Variants in CACNA2D2 observed in about 807,000 individuals in gnomAD.
CACNA2D2 encodes the protein calcium voltage-gated channel auxiliary subunit alpha2delta 2.
Under a neutral mutation model 166.4 loss-of-function variants are expected in CACNA2D2, and 48 were observed. The ratio of observed to expected loss-of-function variants is 0.29; its 90% CI spans 0.23 to 0.37. The LOEUF (loss-of-function observed/expected upper bound fraction) is 0.37. Ranked by LOEUF, CACNA2D2 falls within the 10% of genes least tolerant of loss-of-function variation. CACNA2D2 has a pLI of 1.00. For synonymous variants in CACNA2D2, 561 were observed against 573.7 expected (o/e 0.98, Z 0.32); for missense variants, 1,122 against 1,433.0 (o/e 0.78, Z 3.50).
At chr3:50,426,386 C>T (rs1179611385) in intron 3 of CACNA2D2, among the ~76,000 whole-genome samples, 2 of 152,152 alleles carry the variant, frequency 1.3e-5, no homozygotes, top group African/African-American at 2.4e-5. Flanking sequence ...AAAGCAAGGC[C>T]GTAGGGTGGG....
At chr3:50,494,648 G>A (rs1027978571) in intron 1 of CACNA2D2, among the ~76,000 whole-genome samples, 24 of 151,976 alleles carry the variant, frequency 1.6e-4, no homozygotes, top group East Asian at 3.9e-4. Context: ...CTTGCCCCCC[G>A]ACCCATGCCA....
intron 3 of CACNA2D2, among the ~76,000 whole-genome samples, chr3:50,428,544 A>G (rs2236968): frequency 0.13 from 20,434 of 152,180 alleles, 2,277 homozygotes; most frequent in East Asian, 0.42. Context: ...GGCTGTGTGC[A>G]GAAGGGTTTT....
intron 2 of CACNA2D2, among the ~76,000 whole-genome samples, chr3:50,455,584 C>CG (rs927510414): frequency 6.6e-6 from 1 of 152,156 alleles, no homozygotes; most frequent in African/African-American, 2.4e-5. Context: ...TTACAAACAT[C>CG]GGGTGCATCA....
chr3:50,372,545 C>G (rs989361720), intron 22 of CACNA2D2, among the ~76,000 whole-genome samples: 1 of 152,172 alleles, frequency 6.6e-6, no homozygotes, highest in Non-Finnish European at 1.5e-5. Flanking sequence ...CTTCTGCCTC[C>G]CTTCTTGGAG....
At chr3:50,452,525 C>A (rs777428615) in intron 2 of CACNA2D2, among the ~76,000 whole-genome samples, 4 of 152,170 alleles carry the variant, frequency 2.6e-5, no homozygotes. Flanking sequence ...GCTTGGGATA[C>A]CTGTGAATGG....
intron 1 of CACNA2D2, among the ~76,000 whole-genome samples, chr3:50,489,642 T>TGGGGCG (rs1698439709): frequency 6.8e-6 from 1 of 147,774 alleles, no homozygotes. Context: ...GGGCTGGGGC[T>TGGGGCG]GGGGCTGGGG....
intron 2 of CACNA2D2, among the ~76,000 whole-genome samples, chr3:50,458,820 G>A (rs1388133019): frequency 6.6e-6 from 1 of 152,248 alleles, no homozygotes; most frequent in African/African-American, 2.4e-5. Context: ...TAATGCTGGG[G>A]AACCCCAAAG....
chr3:50,422,872 G>A (rs1395599862), intron 3 of CACNA2D2, among the ~76,000 whole-genome samples: 2 of 152,240 alleles, frequency 1.3e-5, no homozygotes, highest in Non-Finnish European at 2.9e-5. Flanking sequence ...AAGTGGGTGG[G>A]GGGTCTTATT....
At chr3:50,398,888 G>C (rs1706294609) in intron 3 of CACNA2D2, among the ~76,000 whole-genome samples, 1 of 152,204 alleles carries the variant, frequency 6.6e-6, no homozygotes, top group Non-Finnish European at 1.5e-5. Flanking sequence ...GAAAGAGGAG[G>C]ACTCGTCGTG....
In CACNA2D2 at chr3:50,366,958, C is replaced by T. The variant is rs371826030; in HGVS notation, c.2501-39G>A. 1 of 1,613,052 alleles carries T rather than the reference C, an allele frequency of 6.2e-7. No individual in the cohort carries two copies. Among genetic ancestry groups the T allele is most frequent in the Admixed American group, 1.7e-5 (1 of 60,012 alleles). On this transcript the variant is annotated intron_variant, in intron 28 of 37. Coordinates refer to ENST00000424201, the MANE Select transcript of CACNA2D2 (RefSeq NM_006030.4). The surrounding 1 kb of genome is among the most constrained non-coding windows in gnomAD (Gnocchi z 5.9). The stretch of plus-strand genomic sequence containing the variant: ...CAAGGGACCATCAGTGCTACCTGCC[C>T]AGGCAGTACCCTGTCCATTGCCTGT...
intron 22 of CACNA2D2, among the ~76,000 whole-genome samples, chr3:50,371,339 A>G (rs1704645560): frequency 6.7e-6 from 1 of 149,722 alleles, no homozygotes; most frequent in Non-Finnish European, 1.5e-5. Context: ...TGGGTGAGTG[A>G]GCATGCATGT....
intron 3 of CACNA2D2, among the ~76,000 whole-genome samples, chr3:50,413,527 T>C (rs980694713): frequency 6.6e-6 from 1 of 151,912 alleles, no homozygotes; most frequent in African/African-American, 2.4e-5. Context: ...TGCTTCCCCG[T>C]TGTAAGTTGC....
At chr3:50,394,820 G>C (rs540970489) in intron 3 of CACNA2D2, among the ~76,000 whole-genome samples, 5 of 152,384 alleles carry the variant, frequency 3.3e-5, no homozygotes, top group South Asian at 2.1e-4. Context: ...CTGGGTGCCA[G>C]ACTGTGCTGA....
rs749896750 is a variant in CACNA2D2 at position 50,380,049 on chromosome 3, G to C, written c.843-31C>G. On this transcript the variant is annotated intron_variant, in intron 8 of 37. Coordinates refer to ENST00000424201, the MANE Select transcript of CACNA2D2 (RefSeq NM_006030.4). The surrounding 1 kb of genome is among the most constrained non-coding windows in gnomAD (Gnocchi z 4.9). ...CAGGAGATGCCTCTGTTAGGGTAAG[G>C]CCCACTGGGACCTTGTGGGTCCTTC... 7.4e-6 allele frequency: 12 copies of C among 1,612,438 alleles called. No homozygotes were observed. Among genetic ancestry groups the C allele is most frequent in the Non-Finnish European group, 1.0e-5 (12 of 1,178,630 alleles).
intron 2 of CACNA2D2, among the ~76,000 whole-genome samples, chr3:50,437,414 G>A (rs1038739483): frequency 1.3e-5 from 2 of 152,220 alleles, no homozygotes; most frequent in African/African-American, 4.8e-5. Flanking sequence ...CTGCTGAGAG[G>A]AGAGCAGAAT....
intron 6 of CACNA2D2, among the ~76,000 whole-genome samples, chr3:50,383,478 T>C (rs587627238): frequency 2.6e-5 from 4 of 152,296 alleles, no homozygotes. Flanking sequence ...CCCCATCCAG[T>C]GTTTGACTCT....
intron 3 of CACNA2D2, among the ~76,000 whole-genome samples, chr3:50,418,652 T>C (rs1336153758): frequency 6.6e-6 from 1 of 152,152 alleles, no homozygotes. Flanking sequence ...TTGTTCTAGC[T>C]CCACAGGGCC....
chr3:50,396,794 G>A (rs1040281149), intron 3 of CACNA2D2, among the ~76,000 whole-genome samples: 1 of 152,152 alleles, frequency 6.6e-6, no homozygotes, highest in African/African-American at 2.4e-5. Context: ...ACCTTCCCAG[G>A]GATGCCAAAT....
intron 5 of CACNA2D2, among the ~76,000 whole-genome samples, chr3:50,386,171 G>A (rs183250343): frequency 1.6e-4 from 25 of 152,252 alleles, no homozygotes; most frequent in Admixed American, 1.2e-3. Context: ...CTCTCTTTTC[G>A]GGCAATCTCT....
Sources: allele counts gnomAD v4.1 joint callset (sites outside exome capture counted in the v4.1 genomes callset), GRCh38; gene constraint gnomAD v4.1.1; non-coding constraint Gnocchi (gnomAD v3.1); transcripts MANE v1.5; gene names NCBI Gene and HGNC (gene_info 2026-07-23, HGNC 2026-07-21).